Variants in ZXDC observed in about 807,000 individuals in gnomAD.
The protein encoded by ZXDC is zinc finger protein ZXDC.
A neutral mutation model predicts 63.6 loss-of-function variants in ZXDC; 58 were observed. The observed-to-expected ratio is 0.91, with a 90% CI of 0.74 to 1.13. The LOEUF is 1.13. ZXDC is among the 50% of genes most tolerant of loss of function. The probability of loss-of-function intolerance (pLI) is 0.00; values close to 1 mark genes in which losing one functional copy is unlikely to be tolerated. For synonymous variants in ZXDC, 561 were observed against 496.1 expected, an observed-to-expected ratio of 1.13 and a Z score of -1.74; for missense variants, 1,133 against 1,148.9, an observed-to-expected ratio of 0.99 and a Z score of 0.20.
intron 8 of ZXDC, chr3:126,441,197 T>C: frequency 1.0e-6 from 1 of 985,764 alleles, no homozygotes; most frequent in Non-Finnish European, 1.2e-6. Context: ...TGGCCACAGC[T>C]GCAGGTATCT....
rs1217615462 is a variant in ZXDC at position 126,453,889 on chromosome 3, G to A, written c.2212+5764C>T. ...CTCGCTTTTATTTCTTCTTTCACCT[G>A]ATTGTCTAGAGGTTTTGTTTTCCAA... On this transcript the variant is annotated intron_variant, in intron 7 of 9. Transcript: ENST00000389709. 3.0e-5 allele frequency: 30 copies of A among 984,740 alleles called. 2 individuals carry two copies. In the Admixed American group the frequency reaches 1.6e-3, roughly 53 times the overall value. The allele number at this position is 984,740 out of a possible 1,614,324, so 61.0% of individuals were successfully genotyped here. A position where few individuals can be genotyped will look rare whatever the true frequency, so the allele number is the denominator to read the frequency against.
chr3:126,474,859 G>A, intron 1 of ZXDC, 100 bp downstream of exon 1: 5 of 1,340,574 alleles, frequency 3.7e-6, no homozygotes, highest in Non-Finnish European at 5.0e-6. Flanking sequence ...CTGCGTCCCC[G>A]GCTTGCTAAG....
At chr3:126,448,601 A>C (rs1358783664) in intron 7 of ZXDC, among the ~76,000 whole-genome samples, 1 of 152,182 alleles carries the variant, frequency 6.6e-6, no homozygotes, top group Non-Finnish European at 1.5e-5. Context: ...ATGCACTAAG[A>C]AGCAAGCACC....
rs3732539 is a variant in ZXDC at position 126,454,626 on chromosome 3, A to G, written c.2212+5027T>C. On this transcript the variant is annotated intron_variant, in intron 7 of 9. Coordinates refer to ENST00000389709, the MANE Select transcript of ZXDC (RefSeq NM_025112.5). ...TTGAAAGGAGAGGTGCCCTCATTAC[A>G]CTTCACTGTGACACAGGATACCCTT... 1.5e-5 allele frequency: 15 copies of G among 985,288 alleles called. No homozygotes were observed. In the East Asian group the frequency reaches 1.6e-3, roughly 104 times the overall value. The allele number at this position is 985,288 out of a possible 1,614,324, so 61.0% of individuals were successfully genotyped here. A position where few individuals can be genotyped will look rare whatever the true frequency, so the allele number is the denominator to read the frequency against.
intron 7 of ZXDC, among the ~76,000 whole-genome samples, chr3:126,444,250 T>C (rs1432525787): frequency 6.6e-6 from 1 of 152,188 alleles, no homozygotes; most frequent in Non-Finnish European, 1.5e-5. Context: ...TTAGAAATAT[T>C]GGCCGGGCGC....
intron 5 of ZXDC, among the ~76,000 whole-genome samples, chr3:126,463,116 T>C (rs1934621923): frequency 6.6e-6 from 1 of 151,924 alleles, no homozygotes; most frequent in Admixed American, 6.6e-5. Context: ...TCGCCCAGGC[T>C]GGAGTGCAGT....
intron 8 of ZXDC, chr3:126,440,957 TC>T: frequency 1.0e-6 from 1 of 985,600 alleles, no homozygotes; most frequent in Non-Finnish European, 1.2e-6. Flanking sequence ...CCTCCGCACT[TC>T]CGTGGGGCCT....
At chr3:126,464,743 A>G (rs1328240189) in intron 5 of ZXDC, among the ~76,000 whole-genome samples, 1 of 152,152 alleles carries the variant, frequency 6.6e-6, no homozygotes, top group Admixed American at 6.5e-5. Context: ...AGTCTCACAG[A>G]GCCCTCAGAG....
rs115257448 is a variant in ZXDC, at chr3:126,438,399, A to T, written c.2553T>A (p.Thr851=). 6.1e-4 allele frequency: 984 copies of T among 1,613,566 alleles called. 5 individuals are homozygous for T. The African/African-American group carries it at 0.012, about 19-fold the overall frequency. ...GTCACTGCAGATCCTGCAGGTTGATAGTGCTTCCTGGGAACTGGGTGGCCT... is the reference window on the plus strand; with the variant it reads ...GTCACTGCAGATCCTGCAGGTTGATTGTGCTTCCTGGGAACTGGGTGGCCT... ...GPEATQFPGS[T]INLQDLQ The change falls in exon 10 of 10, where the codon ACT becomes ACA. Residue 851 remains threonine, a synonymous_variant. Coordinates refer to ENST00000389709, the MANE Select transcript of ZXDC (RefSeq NM_025112.5).
intron 7 of ZXDC, chr3:126,454,039 G>A (rs1179840830): frequency 1.1e-5 from 8 of 741,618 alleles, no homozygotes; most frequent in Non-Finnish European, 1.3e-5. Context: ...TATATATATA[G>A]GTAGTACTAC....
intron 7 of ZXDC, chr3:126,442,195 C>T (rs997591755): frequency 9.0e-6 from 3 of 332,622 alleles, no homozygotes; most frequent in South Asian, 9.3e-5. Context: ...TTTTGCCAGA[C>T]GGTACGGTAA....
At chr3:126,470,192 C>T (rs1934929586) in intron 4 of ZXDC, among the ~76,000 whole-genome samples, 1 of 152,172 alleles carries the variant, frequency 6.6e-6, no homozygotes, top group Non-Finnish European at 1.5e-5. Flanking sequence ...TCAGGTTGGG[C>T]GTGGTGGCTC....
intron 7 of ZXDC, among the ~76,000 whole-genome samples, chr3:126,449,751 C>T (rs1296778302): frequency 2.0e-5 from 3 of 152,198 alleles, no homozygotes; most frequent in Non-Finnish European, 2.9e-5. Flanking sequence ...CACCTGACGG[C>T]AACATAGGGA....
intron 7 of ZXDC, chr3:126,459,451 A>G (rs1346814084): frequency 3.0e-6 from 3 of 985,366 alleles, no homozygotes; most frequent in Non-Finnish European, 3.6e-6. Flanking sequence ...GGCAAATAAA[A>G]TATGTTCATA....
chr3:126,469,453 A>G (rs971092199), intron 4 of ZXDC, among the ~76,000 whole-genome samples: 3 of 152,110 alleles, frequency 2.0e-5, no homozygotes, highest in African/African-American at 7.2e-5. Flanking sequence ...ATCCAAATCC[A>G]TCACCATATA....
chr3:126,464,494 T>C (rs962409794), intron 5 of ZXDC, among the ~76,000 whole-genome samples: 1 of 152,140 alleles, frequency 6.6e-6, no homozygotes, highest in African/African-American at 2.4e-5. Flanking sequence ...TGACACCTGG[T>C]CTTCTACCCC....
intron 6 of ZXDC, chr3:126,461,308 T>G: frequency 7.4e-7 from 1 of 1,348,472 alleles, no homozygotes; most frequent in Non-Finnish European, 9.5e-7. Flanking sequence ...CAGAAAGCAT[T>G]TAGCCAAATC....
At chr3:126,460,565 G>C in intron 6 of ZXDC, 1 of 985,422 alleles carries the variant, frequency 1.0e-6, no homozygotes, top group Non-Finnish European at 1.2e-6. Flanking sequence ...CCTGGCACCA[G>C]GGACTGACTG....
Position 126,475,090 on chromosome 3 carries a change from A to G in ZXDC, c.776T>C (p.Met259Thr). Residue 259 changes from methionine to threonine, a missense_variant, in exon 1 of 10, where the codon ATG becomes ACG. Coordinates refer to ENST00000389709, the MANE Select transcript of ZXDC (RefSeq NM_025112.5). ...FTTVYNLKAHMKGHEQESLFK... is the reference protein window; with the variant it reads ...FTTVYNLKAHTKGHEQESLFK... ...CAGGCTCTCCTGCTCGTGGCCCTTC[A>G]TGTGCGCCTTGAGGTTATAGACCGT... 1 of 1,609,714 alleles carries G rather than the reference A, an allele frequency of 6.2e-7. No individual in the cohort carries two copies.
Sources: allele counts gnomAD v4.1 joint callset (sites outside exome capture counted in the v4.1 genomes callset), GRCh38; gene constraint gnomAD v4.1.1; transcripts MANE v1.5; gene names NCBI Gene and HGNC (gene_info 2026-07-23, HGNC 2026-07-21).